AR: variants seen among roughly 807,000 people sequenced by gnomAD.
AR encodes the protein androgen receptor, also known as dihydrotestosterone receptor.
In AR, 8 loss-of-function variants were observed where a neutral mutation model predicts 53.9. The ratio of observed to expected loss-of-function variants is 0.15; its 90% confidence interval spans 0.09 to 0.27. The LOEUF (loss-of-function observed/expected upper bound fraction) is 0.27. Ranked by LOEUF, AR falls within the 10% of genes least tolerant of loss-of-function variation. AR has a pLI of 1.00. For missense variants in AR, 639 were observed against 742.5 expected (o/e 0.86, Z 1.62); for synonymous variants, 359 against 316.4 (o/e 1.13, Z -1.43).
At chrX:67,655,363 C>T (rs1926537501) in intron 2 of AR, among the ~76,000 whole-genome samples, 1 of 111,333 alleles carries the variant, frequency 9.0e-6, no homozygotes, top group African/African-American at 3.3e-5. Context: ...CTTCTTCTGC[C>T]ATCCCACCTG....
At chrX:67,619,908 G>T (rs1469632122) in intron 1 of AR, among the ~76,000 whole-genome samples, 1 of 110,780 alleles carries the variant, frequency 9.0e-6, no homozygotes. Flanking sequence ...TCTCCCAAGT[G>T]TTTAAGGCTA....
At chrX:67,651,111 G>A (rs1419108417) in intron 2 of AR, among the ~76,000 whole-genome samples, 3 of 108,739 alleles carry the variant, frequency 2.8e-5, no homozygotes, top group Non-Finnish European at 5.7e-5. Flanking sequence ...CACGATCTCG[G>A]CTCACTGCAA....
chrX:67,649,895 T>C (rs1926252219), intron 2 of AR, among the ~76,000 whole-genome samples: 1 of 112,353 alleles, frequency 8.9e-6, no homozygotes, highest in Non-Finnish European at 1.9e-5. Context: ...ATTTCATTTG[T>C]CAATTTTGGC....
chrX:67,600,706 G>T (rs1165348480), intron 1 of AR, among the ~76,000 whole-genome samples: 1 of 111,184 alleles, frequency 9.0e-6, no homozygotes, highest in East Asian at 2.8e-4. Flanking sequence ...AGGTATAATA[G>T]GATTGATTGT....
intron 2 of AR, among the ~76,000 whole-genome samples, chrX:67,666,599 G>GCT (rs1927275394): frequency 9.0e-6 from 1 of 111,464 alleles, no homozygotes; most frequent in Non-Finnish European, 1.9e-5. Flanking sequence ...TGGGTCATAT[G>GCT]ATAGCTCTAT....
At chrX:67,562,559 A>G (rs1462463918) in intron 1 of AR, among the ~76,000 whole-genome samples, 1 of 111,800 alleles carries the variant, frequency 8.9e-6, no homozygotes, top group Admixed American at 9.5e-5. Context: ...TGCACTTTGC[A>G]GTTTGCCCAG....
intron 1 of AR, among the ~76,000 whole-genome samples, chrX:67,636,911 A>G (rs1265061827): frequency 1.8e-5 from 2 of 111,640 alleles, no homozygotes; most frequent in African/African-American, 6.5e-5. Context: ...TTCACTATTT[A>G]TCTTCCTCTT....
At chrX:67,574,001 T>C (rs1921938875) in intron 1 of AR, among the ~76,000 whole-genome samples, 2 of 112,213 alleles carry the variant, frequency 1.8e-5, no homozygotes, top group African/African-American at 6.5e-5. Flanking sequence ...CTTATAGCTG[T>C]TGAAGAAGAC....
rs2076138682 is a variant in AR at position 67,722,153 on chromosome X, A to G, written c.2449+190A>G. On this transcript the variant is annotated intron_variant, in intron 6 of 7. Transcript: ENST00000374690. The stretch of plus-strand genomic sequence containing the variant: ...AACAAGAAACAATTTCATGACTAGA[A>G]GCCAATTTATTTGCTAGAAGTCAAC... 9.8e-6 allele frequency: 5 copies of G among 509,086 alleles called. No homozygotes were observed. The Admixed American group carries it at 1.7e-4, about 18-fold the overall frequency. The allele number at this position is 509,086 out of a possible 1,213,427, so 42.0% of individuals were successfully genotyped here.
At chrX:67,603,188 C>G (rs752991870) in intron 1 of AR, among the ~76,000 whole-genome samples, 1 of 111,460 alleles carries the variant, frequency 9.0e-6, no homozygotes, top group East Asian at 2.8e-4. Flanking sequence ...TCTACTGTGG[C>G]AGAGAAAATA....
At chrX:67,646,825 C>G (rs1926081078) in intron 2 of AR, among the ~76,000 whole-genome samples, 1 of 111,029 alleles carries the variant, frequency 9.0e-6, no homozygotes, top group Non-Finnish European at 1.9e-5. Context: ...TTTCAGCAAA[C>G]TCACATGTAT....
At chrX:67,646,215 A>G (rs1447790101) in intron 2 of AR, among the ~76,000 whole-genome samples, 2 of 111,434 alleles carry the variant, frequency 1.8e-5, no homozygotes, top group African/African-American at 6.5e-5. Flanking sequence ...TTAGGCTGTC[A>G]TTGGTGCAGG....
At chrX:67,629,117 G>C (rs1480028272) in intron 1 of AR, among the ~76,000 whole-genome samples, 3 of 111,042 alleles carry the variant, frequency 2.7e-5, no homozygotes, top group Non-Finnish European at 5.7e-5. Flanking sequence ...TTGTGTCTCT[G>C]CCCGTCTTTG....
intron 1 of AR, among the ~76,000 whole-genome samples, chrX:67,583,461 G>C (rs73227870): frequency 5.9e-3 from 656 of 111,471 alleles, no homozygotes; most frequent in Non-Finnish European, 8.5e-3. Context: ...CATTGCCATG[G>C]GGCTGCAAGA....
intron 2 of AR, among the ~76,000 whole-genome samples, chrX:67,668,898 G>A (rs1393684437): frequency 9.0e-6 from 1 of 111,209 alleles, no homozygotes; most frequent in Non-Finnish European, 1.9e-5. Flanking sequence ...AGTAACCACT[G>A]TAATGTTTCC....
intron 1 of AR, among the ~76,000 whole-genome samples, chrX:67,579,743 G>C (rs747431418): frequency 8.9e-5 from 10 of 111,763 alleles, no homozygotes; most frequent in Non-Finnish European, 1.9e-4. Flanking sequence ...TTGAGCTCAA[G>C]CTCACTCTCG....
intron 1 of AR, 42 bp from the exon 2 acceptor site, chrX:67,643,214 A>G (rs1210659398): frequency 4.1e-6 from 5 of 1,207,656 alleles, no homozygotes; most frequent in East Asian, 3.0e-5. Context: ...TATTTCTGCC[A>G]TTCAGTGACA....
intron 2 of AR, among the ~76,000 whole-genome samples, chrX:67,666,978 G>A (rs1927298138): frequency 9.0e-6 from 1 of 111,023 alleles, no homozygotes; most frequent in Admixed American, 9.6e-5. Context: ...TGGTCAGATG[G>A]GTAGTTTGCA....
intron 1 of AR, among the ~76,000 whole-genome samples, chrX:67,629,055 AT>A (rs1171004784): frequency 3.6e-5 from 4 of 111,126 alleles, no homozygotes; most frequent in Non-Finnish European, 7.5e-5. Context: ...TTTATTGAGG[AT>A]TTTTGCATCA....
Sources: allele counts gnomAD v4.1 joint callset (sites outside exome capture counted in the v4.1 genomes callset), GRCh38; gene constraint gnomAD v4.1.1; transcripts MANE v1.5; gene names NCBI Gene and HGNC (gene_info 2026-07-23, HGNC 2026-07-21).